The following TBCD variants were observed in gnomAD, a reference collection of about 807,000 sequenced individuals.
The protein encoded by TBCD is tubulin-specific chaperone D.
A neutral mutation model predicts 169.3 loss-of-function variants in TBCD; 105 were observed. That is an observed-to-expected ratio of 0.62 (90% CI 0.53 to 0.73). TBCD has a LOEUF of 0.73. Among genes scored for constraint, TBCD ranks in the 30% least tolerant of loss-of-function variants. The pLI is 0.00. For synonymous variants in TBCD, 700 were observed against 643.9 expected (o/e 1.09, Z -1.32); for missense variants, 1,444 against 1,600.1 (o/e 0.90, Z 1.66).
intron 22 of TBCD, among the ~76,000 whole-genome samples, chr17:82,910,336 C>T (rs1391602175): frequency 1.3e-5 from 2 of 152,208 alleles, no homozygotes; most frequent in African/African-American, 2.4e-5. Context: ...GTCTGCCTCT[C>T]CCCAGGGCTC....
At position 82,789,496 on chromosome 17, in the gene TBCD, G is replaced by A. The variant is rs578050280; in HGVS notation, c.771+7775G>A. 6.6e-6 allele frequency among the ~76,000 whole-genome samples: 1 copy of A among 152,334 alleles called. No homozygotes were observed. The highest frequency in any genetic ancestry group is 6.5e-5 in the Admixed American group (1 of 15,302). On this transcript the variant is annotated intron_variant, in intron 7 of 38. Transcript: ENST00000355528. This position sits in a 1 kb window ranked among gnomAD's most constrained non-coding sequence, Gnocchi z 4.8. ...GAGGAAGAGACAGGCAGAGAGCTGG[G>A]CTGGGCTGCTGCTGAGTGGGCTAGA...
chr17:82,883,932 G>A (rs773160885), intron 14 of TBCD, among the ~76,000 whole-genome samples: 19 of 151,796 alleles, frequency 1.3e-4, no homozygotes, highest in Non-Finnish European at 2.6e-4. Flanking sequence ...AACCAGGGTC[G>A]GCCACCCCCA....
At chr17:82,899,977 C>G (rs2059778259) in intron 17 of TBCD, among the ~76,000 whole-genome samples, 1 of 152,050 alleles carries the variant, frequency 6.6e-6, no homozygotes, top group Admixed American at 6.5e-5. Flanking sequence ...TTTATATATT[C>G]TGTTACAAGT....
In TBCD at chr17:82,930,436, AGCAGATG is replaced by A; in HGVS notation, c.2992-85_2992-79del. 1 of 1,535,570 alleles carries A rather than the reference AGCAGATG, an allele frequency of 6.5e-7. No individual in the cohort carries two copies. Among genetic ancestry groups the A allele is most frequent in the Non-Finnish European group, 8.7e-7 (1 of 1,143,398 alleles). ...GCAGCTCGGAGCAGTTCTGCTCTTC[AGCAGATG>A]CTTGACCGGCTGTAGCCAAGCCTGA... On this transcript the variant is annotated intron_variant, in intron 32 of 38. Transcript: ENST00000355528. This position sits in a 1 kb window ranked among gnomAD's most constrained non-coding sequence, Gnocchi z 5.2.
At chr17:82,914,906 A>C (rs112958168) in intron 23 of TBCD, among the ~76,000 whole-genome samples, 1 of 152,266 alleles carries the variant, frequency 6.6e-6, no homozygotes, top group Non-Finnish European at 1.5e-5. Flanking sequence ...AGTTCTGCAT[A>C]GCGTCTGTGG....
chr17:82,888,265 T>C (rs1295959724), intron 15 of TBCD, among the ~76,000 whole-genome samples: 3 of 152,256 alleles, frequency 2.0e-5, no homozygotes, highest in Non-Finnish European at 4.4e-5. Context: ...TGACGGGCTG[T>C]GCTGCGATGC....
At chr17:82,910,438 A>T (rs2060549610) in intron 22 of TBCD, among the ~76,000 whole-genome samples, 2 of 152,226 alleles carry the variant, frequency 1.3e-5, no homozygotes. Flanking sequence ...CTTTTTGCTC[A>T]TTAAAAATTT....
At chr17:82,918,860 A>G (rs1377718226) in intron 23 of TBCD, 3 of 152,266 alleles carry the variant, frequency 2.0e-5, no homozygotes, top group Admixed American at 2.0e-4. Flanking sequence ...ACATCAGAGC[A>G]GTACTCTGTT....
intron 13 of TBCD, among the ~76,000 whole-genome samples, chr17:82,851,956 A>G (rs1234007774): frequency 2.6e-5 from 4 of 152,176 alleles, no homozygotes; most frequent in African/African-American, 9.6e-5. Context: ...GTAAGCGGGA[A>G]CGATTACTGT....
intron 6 of TBCD, among the ~76,000 whole-genome samples, chr17:82,778,675 A>G (rs559575593): frequency 7.4e-5 from 11 of 148,910 alleles, no homozygotes; most frequent in African/African-American, 2.7e-4. Flanking sequence ...CTTGTTGCCC[A>G]GGCTGGAGTG....
intron 13 of TBCD, among the ~76,000 whole-genome samples, chr17:82,842,131 G>A (rs760732727): frequency 1.3e-5 from 2 of 152,224 alleles, no homozygotes; most frequent in African/African-American, 2.4e-5. Flanking sequence ...AGGTGTCTGC[G>A]CTACGACTCC....
At chr17:82,929,551 G>A (rs764483646) in intron 32 of TBCD, 51 bp downstream of exon 32, 1 of 1,596,980 alleles carries the variant, frequency 6.3e-7, no homozygotes, top group Non-Finnish European at 8.5e-7. Flanking sequence ...AGGAGTGCCT[G>A]GTGCTTCCCT....
rs1346415597 is a variant in TBCD, at chr17:82,831,247, C to T, written c.1318+16313C>T. ...GGAGCCCGTGGCTGCACTCCCTGCG[C>T]GGGGGCTCATTTTGGACCCTTCCGT... On this transcript the variant is annotated intron_variant, in intron 13 of 38. Coordinates refer to ENST00000355528, the MANE Select transcript of TBCD (RefSeq NM_005993.5). This position sits in a 1 kb window ranked among gnomAD's most constrained non-coding sequence, Gnocchi z 4.6. The T allele has an allele frequency of 3.1e-6, 5 of 1,613,732 alleles. No individual in the cohort carries two copies. Among genetic ancestry groups the T allele is most frequent in the African/African-American group, 1.3e-5 (1 of 74,924 alleles).
Position 82,880,358 on chromosome 17 carries a change from G to C in TBCD, c.1476-3787G>C, listed in dbSNP as rs1159120166. The stretch of plus-strand genomic sequence containing the variant: ...CCCGCTGGGCTGCAGGAGTAATCCA[G>C]GGCCCTCTCCCCATCTTAGGGTCAA... On this transcript the variant is annotated intron_variant, in intron 14 of 38. Transcript: ENST00000355528. The surrounding 1 kb of genome is among the most constrained non-coding windows in gnomAD (Gnocchi z 5.0). Among the ~76,000 whole-genome samples the C allele has an allele frequency of 6.6e-6, 1 of 152,174 alleles. No homozygotes were observed. Among genetic ancestry groups the C allele is most frequent in the Admixed American group, 6.5e-5 (1 of 15,286 alleles).
Position 82,766,500 on chromosome 17 carries a change from TTTTC to T in TBCD, c.435+140_435+143del, listed in dbSNP as rs1233502909. 29 of 542,370 alleles carry T rather than the reference TTTTC, an allele frequency of 5.3e-5. 1 individual carries two copies. The East Asian group carries it at 8.5e-4, about 16-fold the overall frequency. The allele number at this position is 542,370 out of a possible 1,614,324, so 33.6% of individuals were successfully genotyped here. A position where few individuals can be genotyped will look rare whatever the true frequency, so the allele number is the denominator to read the frequency against. ...CTCCCTTTGTTTTGTGTCACTCCTCTTTTCTTTCTTTTCTTTTCACTTTTCCTTT... is the reference window on the plus strand; with the variant it reads ...CTCCCTTTGTTTTGTGTCACTCCTCTTTTCTTTTCTTTTCACTTTTCCTTT... On this transcript the variant is annotated intron_variant, in intron 4 of 38. Coordinates refer to ENST00000355528, the MANE Select transcript of TBCD (RefSeq NM_005993.5).
Position 82,791,123 on chromosome 17 carries a change from G to A in TBCD, c.772-6634G>A, listed in dbSNP as rs574733159. On this transcript the variant is annotated intron_variant, in intron 7 of 38. Transcript: ENST00000355528. ...TTTTTTTTTTTTTAGACGGAGTCTC[G>A]CTCTGTTGCCCTGGCTGGAGTGCAG... 5.4e-5 allele frequency among the ~76,000 whole-genome samples: 7 copies of A among 130,838 alleles called. No homozygotes were observed. In the South Asian group the frequency reaches 9.4e-4, roughly 18 times the overall value. The allele number at this position is 130,838 out of a possible 152,430, so 85.8% of individuals were successfully genotyped here. A position where few individuals can be genotyped will look rare whatever the true frequency, so the allele number is the denominator to read the frequency against.
chr17:82,796,960 G>A (rs1452272997), intron 7 of TBCD, among the ~76,000 whole-genome samples: 1 of 152,188 alleles, frequency 6.6e-6, no homozygotes, highest in Non-Finnish European at 1.5e-5. Flanking sequence ...CGTGGTGTGC[G>A]GTGCAGATAG....
At chr17:82,807,578 C>T (rs962730876) in intron 10 of TBCD, 30 bp from the exon 11 acceptor site, 9 of 1,466,244 alleles carry the variant, frequency 6.1e-6, no homozygotes, top group Admixed American at 4.9e-5. Context: ...TGTGTGGACT[C>T]TGTCACGCAT....
rs144716612 is a variant in TBCD, at chr17:82,791,659, A to G, written c.772-6098A>G. ...TGATGGGGGAGTTGTTTAAGCTGGA[A>G]TACTGTAATGCTGCTGGCTGTTTAT... On this transcript the variant is annotated intron_variant, in intron 7 of 38. Coordinates refer to ENST00000355528, the MANE Select transcript of TBCD (RefSeq NM_005993.5). 3.0e-3 allele frequency among the ~76,000 whole-genome samples: 460 copies of G among 152,344 alleles called. 1 individual carries two copies. The highest frequency in any genetic ancestry group is 0.01 in the African/African-American group (433 of 41,580).
Sources: gnomAD v4.1 joint callset for allele counts (sites outside exome capture counted in the v4.1 genomes callset) on GRCh38, gnomAD v4.1.1 for gene constraint, Gnocchi (gnomAD v3.1) non-coding constraint, MANE v1.5 for transcripts, NCBI Gene and HGNC (gene_info 2026-07-23, HGNC 2026-07-21) for gene names.